The following FGF12 variants were observed in gnomAD, a reference collection of about 807,000 sequenced individuals.
FGF12 encodes the protein fibroblast growth factor 12B.
A neutral mutation model predicts 23.6 loss-of-function variants in FGF12; 14 were observed. That is an observed-to-expected ratio of 0.59 (90% CI 0.39 to 0.93). FGF12 has a LOEUF of 0.93. Among genes scored for constraint, FGF12 ranks in the 40% least tolerant of loss-of-function variants. The pLI is 0.00. For synonymous variants in FGF12, 62 were observed against 77.3 expected, an observed-to-expected ratio of 0.80 and a Z score of 1.04; for missense variants, 175 against 217.8, an observed-to-expected ratio of 0.80 and a Z score of 1.24.
chr3:192,458,053 C>T (rs1048554666), intron 2 of FGF12, among the ~76,000 whole-genome samples: 1 of 152,194 alleles, frequency 6.6e-6, no homozygotes, highest in African/African-American at 2.4e-5. Flanking sequence ...TGGTGTTGAG[C>T]CTGCAGGTGC....
intron 4 of FGF12, among the ~76,000 whole-genome samples, chr3:192,219,355 G>A (rs966700769): frequency 1.3e-5 from 2 of 152,154 alleles, no homozygotes; most frequent in Admixed American, 6.5e-5. Flanking sequence ...AAAGTGCTGG[G>A]ATTACAGATG....
intron 2 of FGF12, among the ~76,000 whole-genome samples, chr3:192,403,112 A>C (rs1560100863): frequency 6.6e-6 from 1 of 152,226 alleles, no homozygotes; most frequent in Non-Finnish European, 1.5e-5. Context: ...GCAAATCTAC[A>C]AAATTTCCAG....
rs573927079 is a variant in FGF12, at chr3:192,641,267, G to A, written c.13+85914C>T. Among the ~76,000 whole-genome samples the A allele has an allele frequency of 4.3e-5, 4 of 93,138 alleles. 2 individuals carry two copies. The highest frequency in any genetic ancestry group is 7.6e-5 in the African/African-American group (2 of 26,168). 61.1% of individuals were successfully genotyped at this position (93,138 alleles called of 152,430 possible). A position where few individuals can be genotyped will look rare whatever the true frequency, so the allele number is the denominator to read the frequency against. The stretch of plus-strand genomic sequence containing the variant: ...ACTACAGGCACCTGCCACTACGCCC[G>A]CCTAATTTTTTGTATTTTTAGTAGA... On this transcript the variant is annotated intron_variant, in intron 2 of 5. Coordinates refer to ENST00000445105, the MANE Select transcript of FGF12 (RefSeq NM_004113.6).
At chr3:192,311,541 T>C (rs918240550) in intron 4 of FGF12, among the ~76,000 whole-genome samples, 1 of 152,210 alleles carries the variant, frequency 6.6e-6, no homozygotes, top group South Asian at 2.1e-4. Flanking sequence ...TATCCATTCA[T>C]CAGTTGATGG....
chr3:192,614,948 C>A (rs1438554554), intron 2 of FGF12, among the ~76,000 whole-genome samples: 3 of 151,810 alleles, frequency 2.0e-5, no homozygotes, highest in Non-Finnish European at 4.4e-5. Flanking sequence ...TCCATTATAT[C>A]ACTCTCTAAG....
intron 4 of FGF12, among the ~76,000 whole-genome samples, chr3:192,211,576 C>G (rs1482664467): frequency 6.6e-6 from 1 of 152,016 alleles, no homozygotes; most frequent in Admixed American, 6.6e-5. Flanking sequence ...CAGGTGCCCC[C>G]CACCACGCCT....
chr3:192,238,304 C>T (rs1019166670), intron 4 of FGF12: 2 of 152,476 alleles, frequency 1.3e-5, no homozygotes, highest in African/African-American at 4.8e-5. Flanking sequence ...ACATGTGCAC[C>T]AATGGAGGAG....
intron 4 of FGF12, among the ~76,000 whole-genome samples, chr3:192,266,710 A>G (rs1207298044): frequency 6.6e-6 from 1 of 151,934 alleles, no homozygotes; most frequent in Non-Finnish European, 1.5e-5. Flanking sequence ...CTGCTGCTCA[A>G]TCAGTCTTAC....
chr3:192,449,471 A>T (rs1025669453), intron 2 of FGF12, among the ~76,000 whole-genome samples: 3 of 152,160 alleles, frequency 2.0e-5, no homozygotes, highest in Non-Finnish European at 4.4e-5. Flanking sequence ...GTTCCACAGC[A>T]CCCTGCTGTC....
chr3:192,267,317 T>C (rs9864316), intron 4 of FGF12, among the ~76,000 whole-genome samples: 51,796 of 151,988 alleles, frequency 0.34, 9,946 homozygotes, highest in East Asian at 0.89. Flanking sequence ...TTCATCTTTA[T>C]GCCAAAATAC....
At chr3:192,198,240 A>C (rs1468411349) in intron 4 of FGF12, among the ~76,000 whole-genome samples, 1 of 152,180 alleles carries the variant, frequency 6.6e-6, no homozygotes, top group Non-Finnish European at 1.5e-5. Flanking sequence ...CTTTTTTATG[A>C]CCAAAATGTT....
intron 2 of FGF12, among the ~76,000 whole-genome samples, chr3:192,600,495 C>T (rs987924325): frequency 6.6e-6 from 1 of 151,868 alleles, no homozygotes; most frequent in African/African-American, 2.4e-5. Context: ...AAATAACCAA[C>T]AAAGTGAAAA....
chr3:192,600,702 A>C (rs547048960), intron 2 of FGF12, among the ~76,000 whole-genome samples: 1 of 152,252 alleles, frequency 6.6e-6, no homozygotes, highest in South Asian at 2.1e-4. Flanking sequence ...AAAAATGCTC[A>C]ACATCACTAA....
At chr3:192,274,513 C>A (rs902441683) in intron 4 of FGF12, among the ~76,000 whole-genome samples, 7 of 151,868 alleles carry the variant, frequency 4.6e-5, no homozygotes, top group Admixed American at 1.3e-4. Flanking sequence ...ATCAGAAAAA[C>A]TATTTGGTGT....
At position 192,336,183 on chromosome 3, in the gene FGF12, C is replaced by CAT. The variant is rs1350770592; in HGVS notation, c.125-721_125-720dup. Among the ~76,000 whole-genome samples the CAT allele has an allele frequency of 1.3e-5, 2 of 149,342 alleles. No homozygotes were observed. Among genetic ancestry groups the CAT allele is most frequent in the South Asian group, 2.2e-4 (1 of 4,594 alleles). On this transcript the variant is annotated intron_variant, in intron 3 of 5. Transcript: ENST00000445105. This position sits in a 1 kb window ranked among gnomAD's most constrained non-coding sequence, Gnocchi z 4.3. ...CTATATATATACAAATATATATACA[C>CAT]ATATATATATGCACACACACACACA...
intron 4 of FGF12, among the ~76,000 whole-genome samples, chr3:192,290,122 T>C (rs534731813): frequency 1.3e-5 from 2 of 152,214 alleles, no homozygotes; most frequent in East Asian, 3.9e-4. Context: ...TTGAGATCAA[T>C]TGCACAGCAG....
At chr3:192,343,739 C>T (rs1029091231) in intron 3 of FGF12, among the ~76,000 whole-genome samples, 26 of 152,224 alleles carry the variant, frequency 1.7e-4, no homozygotes, top group African/African-American at 4.8e-4. Context: ...ATACATAGCA[C>T]TTATCACAGT....
In FGF12 at chr3:192,212,398, G is replaced by GA. The variant is rs759639628; in HGVS notation, c.229-41743_229-41742insT. The stretch of plus-strand genomic sequence containing the variant: ...GATTTAGTTCAGGCAGTTAGTTTCA[G>GA]GAAAAAAAAATGTATTAAATGTGTT... On this transcript the variant is annotated intron_variant, in intron 4 of 5. Coordinates refer to ENST00000445105, the MANE Select transcript of FGF12 (RefSeq NM_004113.6). 4.1e-3 allele frequency among the ~76,000 whole-genome samples: 621 copies of GA among 151,732 alleles called. 5 individuals are homozygous for GA. Among genetic ancestry groups the GA allele is most frequent in the Non-Finnish European group, 5.4e-3 (368 of 67,934 alleles).
intron 2 of FGF12, among the ~76,000 whole-genome samples, chr3:192,698,847 A>G (rs1459641300): frequency 3.3e-5 from 5 of 152,150 alleles, no homozygotes; most frequent in African/African-American, 9.7e-5. Flanking sequence ...TCAAAAAGAA[A>G]CCACAAAATA....
Sources: allele counts gnomAD v4.1 joint callset (sites outside exome capture counted in the v4.1 genomes callset), GRCh38; gene constraint gnomAD v4.1.1; non-coding constraint Gnocchi (gnomAD v3.1); transcripts MANE v1.5; gene names NCBI Gene and HGNC (gene_info 2026-07-23, HGNC 2026-07-21).